DNAH8: variants seen among roughly 807,000 people sequenced by gnomAD.
The protein encoded by DNAH8 is dynein axonemal heavy chain 8, also known as axonemal beta dynein heavy chain 8.
In DNAH8, 382 loss-of-function variants were observed where a neutral mutation model predicts 562.1. That is an observed-to-expected ratio of 0.68 (90% CI 0.63 to 0.74). The LOEUF (loss-of-function observed/expected upper bound fraction) is 0.74, where lower values mean the gene tolerates loss of function less well. Ranked by LOEUF, DNAH8 falls within the 30% of genes least tolerant of loss-of-function variation. DNAH8 has a pLI of 0.00. For missense variants in DNAH8, 5,203 were observed against 5,620.4 expected, an observed-to-expected ratio of 0.93 and a Z score of 2.37; for synonymous variants, 1,881 against 1,919.4, an observed-to-expected ratio of 0.98 and a Z score of 0.52.
chr6:38,929,600 A>G lies in DNAH8; in HGVS notation c.11208A>G (p.Glu3736=), dbSNP rs751241140. 3 of 1,612,726 alleles carry G rather than the reference A, an allele frequency of 1.9e-6. No individual in the cohort carries two copies. The highest frequency in any genetic ancestry group is 1.7e-5 in the Admixed American group (1 of 59,928). The change falls in exon 75 of 93, where the codon GAA becomes GAG. Residue 3736 remains glutamate, a synonymous_variant. Transcript: ENST00000327475. ...GRPLLIEDIH[E]ELDPALDNVL... ...CCCTTCTCATTGAGGACATTCATGA[A>G]GAGCTGGATCCAGCCTTGGATAATG...
intron 30 of DNAH8, among the ~76,000 whole-genome samples, chr6:38,831,004 T>A (rs1272971892): frequency 6.6e-6 from 1 of 152,222 alleles, no homozygotes; most frequent in African/African-American, 2.4e-5. Context: ...TTTATTTAAA[T>A]TCATATTCAA....
chr6:38,876,817 T>C (rs1211150532), intron 53 of DNAH8, among the ~76,000 whole-genome samples: 2 of 152,184 alleles, frequency 1.3e-5, no homozygotes, highest in African/African-American at 4.8e-5. Context: ...TTTCCTAGAC[T>C]TGGGGACACC....
In DNAH8 at chr6:38,815,474, A is replaced by G. The variant is rs1231994732; in HGVS notation, c.3340A>G (p.Ile1114Val). ...TTGTTTCTTCTTTCCACAGGTGATGATTCCTAGTTTGGATGACATTCAACA... is the reference window on the plus strand; with the variant it reads ...TTGTTTCTTCTTTCCACAGGTGATGGTTCCTAGTTTGGATGACATTCAACA... ...VHLAIPNVVMIPSLDDIQQAI... is the reference protein window; with the variant it reads ...VHLAIPNVVMVPSLDDIQQAI... The change falls in exon 26 of 93, where the codon ATT becomes GTT. Residue 1114 changes from isoleucine (I) to valine (V), a missense_variant. Coordinates refer to ENST00000327475, the MANE Select transcript of DNAH8 (RefSeq NM_001206927.2). The G allele has an allele frequency of 1.2e-6, 2 of 1,612,906 alleles. No homozygotes were observed. The highest frequency in any genetic ancestry group is 8.5e-7 in the Non-Finnish European group (1 of 1,179,202).
chr6:38,828,312 A>G (rs376791224), intron 30 of DNAH8, 24 bp downstream of exon 30: 8 of 1,402,576 alleles, frequency 5.7e-6, no homozygotes, highest in Non-Finnish European at 7.8e-6. Context: ...TAACTACATT[A>G]TTTTTTCTTA....
chr6:38,904,380 T>C (rs1485702125), intron 62 of DNAH8, among the ~76,000 whole-genome samples: 9 of 152,026 alleles, frequency 5.9e-5, no homozygotes, highest in Admixed American at 5.9e-4. Flanking sequence ...GTGGAAAGAA[T>C]TCTGGGGTCT....
At chr6:38,832,698 A>G (rs1270869868) in intron 31 of DNAH8, among the ~76,000 whole-genome samples, 1 of 152,230 alleles carries the variant, frequency 6.6e-6, no homozygotes, top group Non-Finnish European at 1.5e-5. Flanking sequence ...ATTAGCTTTT[A>G]AAAATTGCAG....
intron 28 of DNAH8, 21 bp downstream of exon 28, chr6:38,823,709 ATGTAAAGTATC>A: frequency 6.4e-7 from 1 of 1,559,622 alleles, no homozygotes. Context: ...AATGTTTATT[ATGTAAAGTATC>A]TGTACTTTCA....
intron 32 of DNAH8, among the ~76,000 whole-genome samples, chr6:38,834,961 T>A (rs1361783432): frequency 6.6e-6 from 1 of 152,180 alleles, no homozygotes; most frequent in East Asian, 1.9e-4. Context: ...AAATAATATT[T>A]TAAATATTGG....
At chr6:38,746,855 G>C (rs1764983105) in intron 8 of DNAH8, among the ~76,000 whole-genome samples, 1 of 151,994 alleles carries the variant, frequency 6.6e-6, no homozygotes, top group African/African-American at 2.4e-5. Context: ...CTTGAACCCG[G>C]GAGGTAGAGG....
rs772259963 is a variant in DNAH8, at chr6:38,949,547, C to G, written c.12225C>G (p.Thr4075=). 1 of 1,603,780 alleles carries G rather than the reference C, an allele frequency of 6.2e-7. No individual in the cohort carries two copies. The highest frequency in any genetic ancestry group is 1.1e-5 in the South Asian group (1 of 90,876). The part of the protein sequence containing the change: ...IPDGYNDSLD[T]CHKLLLIRSW... ...ATGGATATAATGATTCACTAGATAC[C>G]TGCCATAAACTTTTACTTATCAGGT... is the stretch of plus-strand genomic sequence containing the variant. Residue 4075 remains threonine (T), a synonymous_variant, in exon 81 of 93, where the codon ACC becomes ACG. Transcript: ENST00000327475.
At chr6:38,879,121 G>A (rs1243400739) in intron 53 of DNAH8, among the ~76,000 whole-genome samples, 1 of 151,878 alleles carries the variant, frequency 6.6e-6, no homozygotes, top group Non-Finnish European at 1.5e-5. Flanking sequence ...AAAACACCAG[G>A]CCAAGATGAT....
At position 38,786,824 on chromosome 6, in the gene DNAH8, G is replaced by C; in HGVS notation, c.2455G>C (p.Asp819His). The change falls in exon 18 of 93, where the codon GAT becomes CAT. Residue 819 changes from aspartate (D) to histidine (H), a missense_variant. Transcript: ENST00000327475. ...AACAGGGAAGTTGCTGGTTAATTTC[G>C]ATCCCAAAATTTTGGAAGTTGTTCG... ...PETGKLLVNFDPKILEVVRET... is the reference protein window; with the variant it reads ...PETGKLLVNFHPKILEVVRET... The C allele has an allele frequency of 1.2e-6, 2 of 1,613,340 alleles. No individual in the cohort carries two copies.
At chr6:38,898,407 A>G (rs555888661) in intron 61 of DNAH8, 27 bp downstream of exon 61, 2 of 1,506,264 alleles carry the variant, frequency 1.3e-6, no homozygotes, top group East Asian at 4.9e-5. Context: ...ATTTACTGAT[A>G]TAAATAGATG....
Position 38,723,468 on chromosome 6 carries a change from A to G in DNAH8, c.522A>G (p.Pro174=), listed in dbSNP as rs1204539455. The G allele has an allele frequency of 1.2e-6, 2 of 1,603,436 alleles. No individual in the cohort carries two copies. The highest frequency in any genetic ancestry group is 2.7e-5 in the African/African-American group (2 of 74,354). Residue 174 remains proline (P), a synonymous_variant, in exon 3 of 93, where the codon CCA becomes CCG. Transcript: ENST00000327475. ...TTGAAGAATTAATTTTGGATTGCCC[A>G]TCTGTAAGTTTAAGTCTTATCATTA... The part of the protein sequence containing the change: ...VTVEELILDC[P]SLEAFTNFFA...
intron 3 of DNAH8, among the ~76,000 whole-genome samples, chr6:38,727,261 CTTTG>C (rs1239038974): frequency 1.3e-5 from 2 of 152,194 alleles, no homozygotes; most frequent in Non-Finnish European, 2.9e-5. Context: ...ATGATGGTTA[CTTTG>C]TTTGCCTCTG....
At chr6:38,839,435 A>C (rs1222124192) in intron 33 of DNAH8, among the ~76,000 whole-genome samples, 1 of 151,086 alleles carries the variant, frequency 6.6e-6, no homozygotes, top group Non-Finnish European at 1.5e-5. Context: ...TGGTGGAATC[A>C]CTCGACTTCC....
Position 38,860,647 on chromosome 6 carries a change from C to T in DNAH8, c.6131+18C>T, listed in dbSNP as rs565318806. On this transcript the variant is annotated intron_variant, in intron 43 of 92. Transcript: ENST00000327475. ...ACAGATAGGTAGGAAACCCAGTTTT[C>T]GTTTTTTATTTTGTAATTTTAAAAT... 198 of 1,438,558 alleles carry T rather than the reference C, an allele frequency of 1.4e-4. 1 individual carries two copies. The East Asian group carries it at 3.7e-3, about 27-fold the overall frequency. The allele number at this position is 1,438,558 out of a possible 1,614,324, so 89.1% of individuals were successfully genotyped here. A position where few individuals can be genotyped will look rare whatever the true frequency, so the allele number is the denominator to read the frequency against.
chr6:38,914,041 G>A (rs980228939), intron 67 of DNAH8, 89 bp downstream of exon 67: 2 of 975,508 alleles, frequency 2.1e-6, no homozygotes, highest in Non-Finnish European at 3.2e-6. Context: ...AACAAGCAGG[G>A]TATAAACCCA....
chr6:38,796,669 G>A (rs192878451), intron 21 of DNAH8, among the ~76,000 whole-genome samples: 4 of 152,008 alleles, frequency 2.6e-5, no homozygotes, highest in African/African-American at 7.3e-5. Context: ...TCTGATTACC[G>A]GTGCATGCAG....
Sources: allele counts gnomAD v4.1 joint callset (sites outside exome capture counted in the v4.1 genomes callset), GRCh38; gene constraint gnomAD v4.1.1; transcripts MANE v1.5; gene names NCBI Gene and HGNC (gene_info 2026-07-23, HGNC 2026-07-21).